ARHGAP32: variants seen among roughly 807,000 people sequenced by gnomAD.
ARHGAP32 encodes Rho GTPase activating protein 32.
In ARHGAP32, 51 loss-of-function variants were observed where a neutral mutation model predicts 186.5. The ratio of observed to expected loss-of-function variants is 0.27; its 90% confidence interval spans 0.22 to 0.35. The LOEUF is 0.35. Ranked by LOEUF, ARHGAP32 falls within the 10% of genes least tolerant of loss-of-function variation. The pLI is 1.00. For synonymous variants in ARHGAP32, 950 were observed against 964.3 expected, an observed-to-expected ratio of 0.99 and a Z score of 0.27; for missense variants, 2,186 against 2,623.5, an observed-to-expected ratio of 0.83 and a Z score of 3.64.
intron 1 of ARHGAP32, 52 bp from the exon 2 acceptor site, chr11:129,164,479 G>T: frequency 2.9e-6 from 3 of 1,049,594 alleles, no homozygotes; most frequent in Non-Finnish European, 1.4e-6. Context: ...TTCTATGAAA[G>T]CCTTCCAATG....
At chr11:129,088,409 G>A (rs1428375059) in intron 6 of ARHGAP32, among the ~76,000 whole-genome samples, 16 of 152,040 alleles carry the variant, frequency 1.1e-4, no homozygotes, top group East Asian at 1.9e-4. Context: ...GTGAAACCCC[G>A]TCTCTACTAA....
At chr11:129,162,735 G>A (rs1005002234) in intron 2 of ARHGAP32, among the ~76,000 whole-genome samples, 1 of 152,064 alleles carries the variant, frequency 6.6e-6, no homozygotes, top group Non-Finnish European at 1.5e-5. Flanking sequence ...ATTTCTTGGT[G>A]AACTTAATGT....
chr11:129,159,477 C>A (rs914891389), intron 2 of ARHGAP32, among the ~76,000 whole-genome samples: 1 of 152,108 alleles, frequency 6.6e-6, no homozygotes, highest in African/African-American at 2.4e-5. Context: ...TTCCTGGACA[C>A]ATACACCTTC....
intron 5 of ARHGAP32, among the ~76,000 whole-genome samples, chr11:129,103,919 T>G (rs1012756845): frequency 6.6e-6 from 1 of 151,958 alleles, no homozygotes; most frequent in Non-Finnish European, 1.5e-5. Context: ...GAAATGGTAC[T>G]AGACAAAAAC....
chr11:128,978,656 A>T (rs1422158667), intron 19 of ARHGAP32, 114 bp downstream of exon 19: 1 of 1,059,912 alleles, frequency 9.4e-7, no homozygotes, highest in East Asian at 2.7e-5. Flanking sequence ...TGTATGTGTG[A>T]CACAACTGTG....
intron 2 of ARHGAP32, among the ~76,000 whole-genome samples, chr11:129,141,223 T>C (rs1379802292): frequency 6.6e-6 from 1 of 152,162 alleles, no homozygotes; most frequent in Non-Finnish European, 1.5e-5. Context: ...AACTAACCAT[T>C]TGAAGACATT....
chr11:129,191,546 G>A (rs1459378130), intron 1 of ARHGAP32, among the ~76,000 whole-genome samples: 1 of 151,906 alleles, frequency 6.6e-6, no homozygotes, highest in Non-Finnish European at 1.5e-5. Flanking sequence ...GGGGGAAAGG[G>A]GGCATGAGAT....
chr11:129,256,411 A>G (rs1367683653), intron 1 of ARHGAP32, among the ~76,000 whole-genome samples: 1 of 152,200 alleles, frequency 6.6e-6, no homozygotes, highest in Non-Finnish European at 1.5e-5. Flanking sequence ...TAATTGTGCT[A>G]TAACTACATG....
At chr11:129,017,330 T>G (rs1171193408) in intron 11 of ARHGAP32, among the ~76,000 whole-genome samples, 1 of 151,502 alleles carries the variant, frequency 6.6e-6, no homozygotes, top group Non-Finnish European at 1.5e-5. Context: ...GGCGGGCACC[T>G]GTAATCGCAG....
chr11:129,130,263 TAC>T lies in ARHGAP32; in HGVS notation c.226-5371_226-5370del, dbSNP rs530477272. 2.9e-3 allele frequency among the ~76,000 whole-genome samples: 446 copies of T among 152,270 alleles called. 7 individuals carry two copies. The highest frequency in any genetic ancestry group is 0.01 in the African/African-American group (427 of 41,568). The stretch of plus-strand genomic sequence containing the variant: ...CAGCATTGTCAATCAATCAGAACAG[TAC>T]AGTTTTTAAAAGTATGCAAAAATTA... On this transcript the variant is annotated intron_variant, in intron 2 of 22. Transcript: ENST00000682385.
Position 129,025,683 on chromosome 11 carries a change from G to A in ARHGAP32, c.1045+15245C>T, listed in dbSNP as rs986017547. Among the ~76,000 whole-genome samples the A allele has an allele frequency of 4.5e-4, 69 of 152,018 alleles. 1 individual carries two copies. Among genetic ancestry groups the A allele is most frequent in the African/African-American group, 1.5e-3 (64 of 41,514 alleles). ...GAAGAAAAAAGAGAAAGAAGAGAAG[G>A]AGGGATGAGGGAAGAGAGTGAGAAA... On this transcript the variant is annotated intron_variant, in intron 11 of 22. Coordinates refer to ENST00000682385, the MANE Select transcript of ARHGAP32 (RefSeq NM_001378024.1).
chr11:129,082,359 A>G (rs1941246705), intron 6 of ARHGAP32, among the ~76,000 whole-genome samples: 1 of 152,202 alleles, frequency 6.6e-6, no homozygotes, highest in Non-Finnish European at 1.5e-5. Flanking sequence ...AAACTACACT[A>G]TAAGGCCACA....
Position 128,974,980 on chromosome 11 carries a change from G to T in ARHGAP32, c.2217C>A (p.Pro739=). Residue 739 remains proline (P), a synonymous_variant, in exon 21 of 23, where the codon CCC becomes CCA. Transcript: ENST00000682385. ...CATCACTGGAAGATCTGGGTCTTCT[G>T]GGTCGGAAGAGCTTAGAATCACCTG... is the stretch of plus-strand genomic sequence containing the variant. ...AVDGDSKLFR[P]RRPRSSSDAL... is the part of the protein sequence containing the mutation. 1 of 1,609,344 alleles carries T rather than the reference G, an allele frequency of 6.2e-7. No homozygotes were observed. Among genetic ancestry groups the T allele is most frequent in the Non-Finnish European group, 8.5e-7 (1 of 1,178,244 alleles).
intron 1 of ARHGAP32, among the ~76,000 whole-genome samples, chr11:129,244,718 C>A (rs1049555767): frequency 4.0e-5 from 6 of 151,846 alleles, no homozygotes; most frequent in African/African-American, 1.5e-4. Context: ...GGCTAATATC[C>A]AGAATCTACA....
chr11:129,009,052 G>A (rs1158493682), intron 11 of ARHGAP32, among the ~76,000 whole-genome samples: 3 of 152,042 alleles, frequency 2.0e-5, no homozygotes, highest in African/African-American at 4.8e-5. Context: ...AAACTAATAA[G>A]TTTGGTTTGC....
chr11:129,156,318 G>C (rs1260026225), intron 2 of ARHGAP32, among the ~76,000 whole-genome samples: 3 of 152,208 alleles, frequency 2.0e-5, no homozygotes, highest in African/African-American at 7.2e-5. Flanking sequence ...CCCCCAAGGA[G>C]CCCAGCAAGC....
intron 1 of ARHGAP32, among the ~76,000 whole-genome samples, chr11:129,184,631 T>C (rs940120408): frequency 1.1e-4 from 17 of 152,002 alleles, no homozygotes; most frequent in African/African-American, 3.4e-4. Context: ...AAGGCAATAA[T>C]AGGAAACAAA....
intron 5 of ARHGAP32, among the ~76,000 whole-genome samples, chr11:129,097,076 A>T (rs1193796262): frequency 6.6e-6 from 1 of 152,086 alleles, no homozygotes; most frequent in Non-Finnish European, 1.5e-5. Flanking sequence ...TGGTTTTCAG[A>T]GTTACCACAT....
intron 5 of ARHGAP32, among the ~76,000 whole-genome samples, chr11:129,095,138 T>C (rs976775508): frequency 3.3e-5 from 5 of 152,098 alleles, no homozygotes; most frequent in South Asian, 2.1e-4. Flanking sequence ...AGGTTAATGA[T>C]AAAAGCATAG....
Sources: gnomAD v4.1 joint callset for allele counts (sites outside exome capture counted in the v4.1 genomes callset) on GRCh38, gnomAD v4.1.1 for gene constraint, MANE v1.5 for transcripts, NCBI Gene and HGNC (gene_info 2026-07-23, HGNC 2026-07-21) for gene names.